Variants in EEF2KMT observed in about 807,000 individuals in gnomAD.
EEF2KMT encodes the protein eukaryotic elongation factor 2 lysine methyltransferase.
EEF2KMT carries 30 observed loss-of-function variants against 35.1 expected under a neutral mutation model. The observed-to-expected ratio is 0.85, with a 90% CI of 0.64 to 1.16. EEF2KMT has a LOEUF of 1.16. EEF2KMT is among the 50% of genes most tolerant of loss of function. The probability of loss-of-function intolerance (pLI) is 0.00; values close to 1 mark genes in which losing one functional copy is unlikely to be tolerated. For synonymous variants in EEF2KMT, 190 were observed against 187.7 expected (o/e 1.01, Z -0.10); for missense variants, 499 against 438.2 (o/e 1.14, Z -1.24).
chr16:5,095,946 G>T (rs1410981374), intron 1 of EEF2KMT, among the ~76,000 whole-genome samples: 1 of 151,862 alleles, frequency 6.6e-6, no homozygotes, highest in Non-Finnish European at 1.5e-5. Flanking sequence ...AGACTGTCTC[G>T]GCTGGTATGT....
At position 5,091,806 on chromosome 16, in the gene EEF2KMT, C is replaced by T; in HGVS notation, c.330G>A (p.Arg110=). The T allele has an allele frequency of 6.2e-7, 1 of 1,611,788 alleles. No individual in the cohort carries two copies. The highest frequency in any genetic ancestry group is 8.5e-7 in the Non-Finnish European group (1 of 1,179,740). ...GCCCTTCTCATACCAGCAAATAGCT[C>T]CGGTGGCCCTGGGTGGACTCCTTGG... ...LMAKESTQGH[R]SYLLPSGGSV... The change falls in exon 4 of 8, where the codon CGG becomes CGA. Residue 110 remains arginine, a synonymous_variant. Coordinates refer to ENST00000427587, the MANE Select transcript of EEF2KMT (RefSeq NM_201400.4).
intron 1 of EEF2KMT, among the ~76,000 whole-genome samples, chr16:5,095,837 C>CTCAGTT (rs574414039): frequency 1.8e-5 from 1 of 55,058 alleles, no homozygotes; most frequent in Admixed American, 2.1e-4. Flanking sequence ...GGCTTGCCAT[C>CTCAGTT]TAAGTGGAGA....
Position 5,084,941 on chromosome 16 carries a change from G to A in EEF2KMT, c.*691C>T, listed in dbSNP as rs1047682. On this transcript the variant is annotated 3_prime_UTR_variant, in exon 8 of 8. Coordinates refer to ENST00000427587, the MANE Select transcript of EEF2KMT (RefSeq NM_201400.4). ...GCTGTCCTTCCCGCAGCTTCTTCTT[G>A]GAGTCTCAGGGCAAACCCTTTCGAG... The A allele has an allele frequency of 6.3e-7, 1 of 1,596,246 alleles. No homozygotes were observed. Among genetic ancestry groups the A allele is most frequent in the Non-Finnish European group, 8.5e-7 (1 of 1,179,654 alleles).
At chr16:5,092,691 G>C (rs1957366200) in intron 3 of EEF2KMT, among the ~76,000 whole-genome samples, 1 of 152,202 alleles carries the variant, frequency 6.6e-6, no homozygotes, top group Admixed American at 6.5e-5. Flanking sequence ...GGCCAGGTGC[G>C]GTGGCTCATG....
chr16:5,087,852 C>T (rs1443150100), intron 7 of EEF2KMT, among the ~76,000 whole-genome samples: 2 of 146,660 alleles, frequency 1.4e-5, no homozygotes, highest in African/African-American at 2.5e-5. Flanking sequence ...ATGTGTGCTG[C>T]TTGGCACTGT....
intron 7 of EEF2KMT, among the ~76,000 whole-genome samples, 165 bp downstream of exon 7, chr16:5,088,926 TGCCGCAAGCCCCCCAC>T (rs1176055106): frequency 2.0e-5 from 3 of 152,202 alleles, no homozygotes. Flanking sequence ...GCCCTCCTCC[TGCCGCAAGCCCCCCAC>T]GCCCCAAGCC....
chr16:5,097,429 C>A lies in EEF2KMT; in HGVS notation c.96+215G>T, dbSNP rs1253780842. ...CGTCTGCCCCCCAAGGCTGTGGAGACGCCCCCAGCTTCCCCCGCCAGCTCG... is the reference window on the plus strand; with the variant it reads ...CGTCTGCCCCCCAAGGCTGTGGAGAAGCCCCCAGCTTCCCCCGCCAGCTCG... On this transcript the variant is annotated intron_variant, in intron 1 of 7. Coordinates refer to ENST00000427587, the MANE Select transcript of EEF2KMT (RefSeq NM_201400.4). 1.1e-5 allele frequency: 16 copies of A among 1,420,488 alleles called. No individual in the cohort carries two copies. The East Asian group carries it at 3.6e-4, about 32-fold the overall frequency. The allele number at this position is 1,420,488 out of a possible 1,614,324, so 88.0% of individuals were successfully genotyped here.
chr16:5,094,053 A>G lies in EEF2KMT; in HGVS notation c.160-489T>C, dbSNP rs1596279533. On this transcript the variant is annotated intron_variant, in intron 2 of 7. Transcript: ENST00000427587. ...TGAGCAAGTTCTAGGCAGTGGGAACAGCTGGTGCAAGCTCTGAGGTGGCCA... is the reference window on the plus strand; with the variant it reads ...TGAGCAAGTTCTAGGCAGTGGGAACGGCTGGTGCAAGCTCTGAGGTGGCCA... 1.3e-5 allele frequency among the ~76,000 whole-genome samples: 2 copies of G among 152,232 alleles called. 1 individual carries two copies. The highest frequency in any genetic ancestry group is 4.1e-4 in the South Asian group (2 of 4,836).
rs1234320970 is a variant in EEF2KMT, at chr16:5,090,082, AC to A, written c.742+1del. 6.2e-7 allele frequency: 1 copy of A among 1,603,824 alleles called. No individual in the cohort carries two copies. Among genetic ancestry groups the A allele is most frequent in the Non-Finnish European group, 8.5e-7 (1 of 1,179,806 alleles). On this transcript the variant is annotated splice_donor_variant, in intron 6 of 7. Coordinates refer to ENST00000427587, the MANE Select transcript of EEF2KMT (RefSeq NM_201400.4). LOFTEE classifies it high-confidence loss of function. The surrounding 1 kb of genome is among the most constrained non-coding windows in gnomAD (Gnocchi z 4.1). ...CACAGGGTGCCCGGGGCTGGGCATT[AC>A]CTGCTGCAATGACAACATCTGGCTG... is the stretch of plus-strand genomic sequence containing the variant.
At chr16:5,086,319 G>A (rs12922304) in intron 7 of EEF2KMT, among the ~76,000 whole-genome samples, 141,534 of 146,160 alleles carry the variant, frequency 0.97, 68,737 homozygotes, top group Middle Eastern at 1. Context: ...TGAGTGACAG[G>A]GTGAGACTAA....
At position 5,089,317 on chromosome 16, in the gene EEF2KMT, G is replaced by A. The variant is rs574254901; in HGVS notation, c.743-61C>T. On this transcript the variant is annotated intron_variant, in intron 6 of 7. Coordinates refer to ENST00000427587, the MANE Select transcript of EEF2KMT (RefSeq NM_201400.4). Reference sequence around the variant, plus strand: ...GTGGACAGGTCCAGGTCATGCTGACGTCAGCAGCAGGGCGAGGCCAGAGAG... The same window carrying A: ...GTGGACAGGTCCAGGTCATGCTGACATCAGCAGCAGGGCGAGGCCAGAGAG... 2.8e-5 allele frequency: 45 copies of A among 1,592,184 alleles called. No individual in the cohort carries two copies. In the Admixed American group the frequency reaches 3.7e-4, roughly 13 times the overall value.
intron 6 of EEF2KMT, 25 bp from the exon 7 acceptor site, chr16:5,089,281 G>A: frequency 6.2e-7 from 1 of 1,600,350 alleles, no homozygotes; most frequent in Non-Finnish European, 8.5e-7. Flanking sequence ...TCAGGTTACT[G>A]AAAGGGACCA....
chr16:5,085,837 C>G, intron 7 of EEF2KMT, 105 bp from the exon 8 acceptor site: 1 of 900,878 alleles, frequency 1.1e-6, no homozygotes, highest in Non-Finnish European at 1.9e-6. Flanking sequence ...GGGGGGTGTC[C>G]AAGTCAGTTT....
At position 5,091,654 on chromosome 16, in the gene EEF2KMT, G is replaced by A. The variant is rs578257192; in HGVS notation, c.342+140C>T. 11 of 1,422,138 alleles carry A rather than the reference G, an allele frequency of 7.7e-6. No individual in the cohort carries two copies. The East Asian group carries it at 2.5e-4, about 33-fold the overall frequency. 88.1% of individuals were successfully genotyped at this position (1,422,138 alleles called of 1,614,324 possible). A position where few individuals can be genotyped will look rare whatever the true frequency, so the allele number is the denominator to read the frequency against. On this transcript the variant is annotated intron_variant, in intron 4 of 7. Coordinates refer to ENST00000427587, the MANE Select transcript of EEF2KMT (RefSeq NM_201400.4). ...CCTGATTTACAGACAGGGAAACTGA[G>A]GCTAAAGAAGGTTGACGGACCTCAT...
intron 3 of EEF2KMT, among the ~76,000 whole-genome samples, chr16:5,092,726 G>A (rs545937943): frequency 6.6e-6 from 1 of 152,324 alleles, no homozygotes; most frequent in East Asian, 1.9e-4. Context: ...ACTTTGGGAG[G>A]CCGAGGCAGG....
intron 7 of EEF2KMT, 93 bp from the exon 8 acceptor site, chr16:5,085,825 T>A (rs904528063): frequency 2.7e-5 from 27 of 986,310 alleles, no homozygotes; most frequent in Non-Finnish European, 4.2e-5. Context: ...CCTGGCGGGG[T>A]AGGGGGGTGT....
chr16:5,092,692 G>C (rs1424959559), intron 3 of EEF2KMT, among the ~76,000 whole-genome samples: 1 of 152,248 alleles, frequency 6.6e-6, no homozygotes, highest in Non-Finnish European at 1.5e-5. Context: ...GCCAGGTGCG[G>C]TGGCTCATGC....
Position 5,093,465 on chromosome 16 carries a change from G to T in EEF2KMT, c.240+19C>A, listed in dbSNP as rs1228904013. 6.2e-7 allele frequency: 1 copy of T among 1,611,894 alleles called. No individual in the cohort carries two copies. The highest frequency in any genetic ancestry group is 8.5e-7 in the Non-Finnish European group (1 of 1,179,854). ...GGCTATGCTGTCCGGCTACTGGGCG[G>T]ACACTGCCCATAACTGACCTTTTTG... On this transcript the variant is annotated intron_variant, in intron 3 of 7. Transcript: ENST00000427587.
rs1426019156 is a variant in EEF2KMT, at chr16:5,085,680, A to C, written c.945T>G (p.Phe315Leu). ...EVEPRHEQKL[F>L]PYEEHLEMAM... ...CCATCTCCAAGTGCTCTTCGTAGGG[A>C]AACAGTTTCTGCTCATGACGAGGTT... The change falls in exon 8 of 8, where the codon TTT (phenylalanine) becomes TTG (leucine). Residue 315 changes from phenylalanine to leucine, a missense_variant. Transcript: ENST00000427587. 3 of 1,611,740 alleles carry C rather than the reference A, an allele frequency of 1.9e-6. No individual in the cohort carries two copies. Among genetic ancestry groups the C allele is most frequent in the Non-Finnish European group, 2.5e-6 (3 of 1,179,788 alleles).
Sources: allele counts gnomAD v4.1 joint callset (sites outside exome capture counted in the v4.1 genomes callset), GRCh38; gene constraint gnomAD v4.1.1; non-coding constraint Gnocchi (gnomAD v3.1); transcripts MANE v1.5; gene names NCBI Gene and HGNC (gene_info 2026-07-23, HGNC 2026-07-21).